OPCML: variants seen among roughly 807,000 people sequenced by gnomAD.
The protein encoded by OPCML is opioid binding protein/cell adhesion molecule like, also known as opioid-binding protein/cell adhesion molecule.
In OPCML, 13 loss-of-function variants were observed where a neutral mutation model predicts 37.8. That is an observed-to-expected ratio of 0.34 (90% CI 0.22 to 0.55). The LOEUF (loss-of-function observed/expected upper bound fraction) is 0.55, where lower values mean the gene tolerates loss of function less well. Among genes scored for constraint, OPCML ranks in the 20% least tolerant of loss-of-function variants. The pLI is 0.91. For synonymous variants in OPCML, 176 were observed against 168.8 expected (o/e 1.04, Z -0.33); for missense variants, 341 against 435.6 (o/e 0.78, Z 1.93).
chr11:132,633,775 G>A (rs1940303600), intron 3 of OPCML, among the ~76,000 whole-genome samples: 1 of 152,170 alleles, frequency 6.6e-6, no homozygotes, highest in Non-Finnish European at 1.5e-5. Context: ...GCCAGGAAAG[G>A]CACAGAGTGT....
chr11:133,450,521 G>C (rs1179331566), intron 1 of OPCML, among the ~76,000 whole-genome samples: 1 of 151,382 alleles, frequency 6.6e-6, no homozygotes, highest in Non-Finnish European at 1.5e-5. Context: ...GGAATACTCA[G>C]TGAGAATATC....
At chr11:133,115,049 T>G (rs1949311160) in intron 1 of OPCML, among the ~76,000 whole-genome samples, 1 of 152,216 alleles carries the variant, frequency 6.6e-6, no homozygotes, top group African/African-American at 2.4e-5. Flanking sequence ...TAAATTCTGC[T>G]TATAAATTAT....
chr11:132,788,142 G>A (rs1937641289), intron 2 of OPCML, among the ~76,000 whole-genome samples: 1 of 152,166 alleles, frequency 6.6e-6, no homozygotes, highest in South Asian at 2.1e-4. Flanking sequence ...GCCTCCCAAA[G>A]TGCTGGGATT....
intron 1 of OPCML, among the ~76,000 whole-genome samples, chr11:133,519,707 C>T (rs1439069091): frequency 6.6e-6 from 1 of 152,212 alleles, no homozygotes; most frequent in Non-Finnish European, 1.5e-5. Context: ...CTCCCAGGCA[C>T]ACATGCTGCA....
At chr11:133,123,398 C>A (rs768917653) in intron 1 of OPCML, among the ~76,000 whole-genome samples, 1 of 152,158 alleles carries the variant, frequency 6.6e-6, no homozygotes, top group East Asian at 1.9e-4. Context: ...TATTTAGATG[C>A]GTATTTGCTG....
At chr11:132,976,247 G>A (rs1946461061) in intron 1 of OPCML, among the ~76,000 whole-genome samples, 1 of 152,178 alleles carries the variant, frequency 6.6e-6, no homozygotes, top group Non-Finnish European at 1.5e-5. Flanking sequence ...TTCTTACGAA[G>A]GGTGGACAGC....
chr11:132,775,411 T>A (rs1236346851), intron 2 of OPCML, among the ~76,000 whole-genome samples: 1 of 152,256 alleles, frequency 6.6e-6, no homozygotes, highest in African/African-American at 2.4e-5. Context: ...GATAGCTGAT[T>A]GGTTCAAGTG....
At chr11:133,121,207 C>T (rs939836384) in intron 1 of OPCML, among the ~76,000 whole-genome samples, 1 of 152,198 alleles carries the variant, frequency 6.6e-6, no homozygotes, top group African/African-American at 2.4e-5. Flanking sequence ...GCATGAGCCA[C>T]TGTTCTTGGC....
intron 1 of OPCML, among the ~76,000 whole-genome samples, chr11:133,490,805 C>T (rs955274506): frequency 6.6e-5 from 10 of 152,176 alleles, no homozygotes; most frequent in Non-Finnish European, 1.5e-4. Flanking sequence ...GTCCTCATGG[C>T]TTGCTATCTC....
intron 2 of OPCML, among the ~76,000 whole-genome samples, chr11:132,719,860 G>A (rs1944619093): frequency 6.6e-6 from 1 of 152,230 alleles, no homozygotes; most frequent in African/African-American, 2.4e-5. Context: ...CCGAGTGCAA[G>A]TTTCAGCCTG....
chr11:133,133,894 A>G (rs753688744), intron 1 of OPCML, among the ~76,000 whole-genome samples: 1 of 152,176 alleles, frequency 6.6e-6, no homozygotes, highest in Non-Finnish European at 1.5e-5. Flanking sequence ...TCAATAAGAC[A>G]TATGTATAAA....
chr11:132,470,554 A>G (rs1406681447), intron 4 of OPCML, among the ~76,000 whole-genome samples: 3 of 152,232 alleles, frequency 2.0e-5, no homozygotes, highest in Admixed American at 1.3e-4. Flanking sequence ...GTATGTGAGC[A>G]TGAACGCATG....
At chr11:132,732,060 G>T (rs1441515805) in intron 2 of OPCML, among the ~76,000 whole-genome samples, 2 of 152,172 alleles carry the variant, frequency 1.3e-5, no homozygotes, top group Non-Finnish European at 2.9e-5. Flanking sequence ...TGTCCAAAGA[G>T]AATTATCAGT....
intron 6 of OPCML, 151 bp from the exon 7 acceptor site, chr11:132,436,388 C>A (rs1415880584): frequency 6.5e-6 from 10 of 1,531,614 alleles, no homozygotes; most frequent in Non-Finnish European, 7.8e-6. Context: ...TGCTCTTGCC[C>A]AATGGGATAA....
chr11:133,028,840 A>G (rs1170711206), intron 1 of OPCML, among the ~76,000 whole-genome samples: 1 of 152,120 alleles, frequency 6.6e-6, no homozygotes, highest in African/African-American at 2.4e-5. Context: ...AAATGCCACA[A>G]AAACAAAAAT....
At chr11:132,714,303 A>G (rs992692827) in intron 2 of OPCML, among the ~76,000 whole-genome samples, 1 of 152,252 alleles carries the variant, frequency 6.6e-6, no homozygotes, top group Non-Finnish European at 1.5e-5. Flanking sequence ...AAGTCTATCC[A>G]TAGTATTGGA....
chr11:132,707,209 G>T (rs1179936284), intron 2 of OPCML, among the ~76,000 whole-genome samples: 1 of 152,162 alleles, frequency 6.6e-6, no homozygotes, highest in African/African-American at 2.4e-5. Context: ...CTGTATGAGA[G>T]AGAAGTTAGG....
At chr11:132,662,914 C>A (rs75157294) in intron 2 of OPCML, among the ~76,000 whole-genome samples, 1 of 152,140 alleles carries the variant, frequency 6.6e-6, no homozygotes, top group Non-Finnish European at 1.5e-5. Flanking sequence ...GGACTTTGTA[C>A]GTGTTCAAAG....
At chr11:132,699,866 T>A (rs2917570) in intron 2 of OPCML, among the ~76,000 whole-genome samples, 1 of 151,816 alleles carries the variant, frequency 6.6e-6, no homozygotes, top group African/African-American at 2.4e-5. Flanking sequence ...CTCATAAAAC[T>A]AGTTTGGAAT....
Sources: gnomAD v4.1 joint callset for allele counts (sites outside exome capture counted in the v4.1 genomes callset) on GRCh38, gnomAD v4.1.1 for gene constraint, MANE v1.5 for transcripts, NCBI Gene and HGNC (gene_info 2026-07-23, HGNC 2026-07-21) for gene names.